The following SH3RF1 variants were observed in gnomAD, a reference collection of about 807,000 sequenced individuals.
SH3RF1 encodes the protein E3 ubiquitin-protein ligase SH3RF1.
SH3RF1 carries 32 observed loss-of-function variants against 74.0 expected under a neutral mutation model. The ratio of observed to expected loss-of-function variants is 0.43; its 90% CI spans 0.33 to 0.58. The LOEUF (loss-of-function observed/expected upper bound fraction) is 0.58. SH3RF1 is among the 20% of genes least tolerant of loss of function. The probability of loss-of-function intolerance (pLI) is 0.05; values close to 1 mark genes in which losing one functional copy is unlikely to be tolerated. For synonymous variants in SH3RF1, 396 were observed against 439.6 expected (o/e 0.90, Z 1.24); for missense variants, 954 against 1,130.9 (o/e 0.84, Z 2.24).
At chr4:169,102,777 T>TA (rs1343434368) in intron 11 of SH3RF1, among the ~76,000 whole-genome samples, 1 of 152,168 alleles carries the variant, frequency 6.6e-6, no homozygotes, top group African/African-American at 2.4e-5. Context: ...CTTTTGTTCC[T>TA]AAGAGAATTC....
rs967984606 is a variant in SH3RF1, at chr4:169,270,947, C to T, written c.-184G>A. On this transcript the variant is annotated 5_prime_UTR_variant, in exon 1 of 12. Transcript: ENST00000284637. Reference sequence around the variant, plus strand: ...GCGGCCCCACCGCGCTCGCCGCTCGCAGTGTCTCTGACGCCGCGGCGGCAC... The same window carrying T: ...GCGGCCCCACCGCGCTCGCCGCTCGTAGTGTCTCTGACGCCGCGGCGGCAC... 3.3e-5 allele frequency: 5 copies of T among 152,204 alleles called. No individual in the cohort carries two copies. The highest frequency in any genetic ancestry group is 2.0e-4 in the Admixed American group (3 of 15,282). The allele number at this position is 152,204 out of a possible 1,614,324, so 9.4% of individuals were successfully genotyped here.
intron 2 of SH3RF1, chr4:169,217,161 CAAAA>C (rs563116493): frequency 5.7e-5 from 4 of 70,716 alleles, no homozygotes; most frequent in Non-Finnish European, 9.3e-5. Flanking sequence ...GACCCTGTCT[CAAAA>C]AAAAAAAAAA....
intron 2 of SH3RF1, among the ~76,000 whole-genome samples, chr4:169,182,618 T>C (rs976928781): frequency 2.0e-5 from 3 of 152,200 alleles, no homozygotes; most frequent in African/African-American, 4.8e-5. Context: ...TGCTCTAATA[T>C]GACTTATAAA....
chr4:169,216,947 T>C (rs1207523474), intron 2 of SH3RF1, among the ~76,000 whole-genome samples: 2 of 150,766 alleles, frequency 1.3e-5, no homozygotes, highest in African/African-American at 4.9e-5. Context: ...GCTCAGGAGT[T>C]TGAGACCAGC....
At chr4:169,202,085 TAAA>T (rs542971477) in intron 2 of SH3RF1, among the ~76,000 whole-genome samples, 2 of 146,164 alleles carry the variant, frequency 1.4e-5, no homozygotes, top group African/African-American at 5.0e-5. Context: ...GCTGTCAGCT[TAAA>T]AAAAAAAAAT....
chr4:169,171,354 T>G (rs1024987225), intron 2 of SH3RF1, among the ~76,000 whole-genome samples: 1 of 152,220 alleles, frequency 6.6e-6, no homozygotes, highest in African/African-American at 2.4e-5. Context: ...ATGTTGAGTT[T>G]GTTTCTCTTT....
chr4:169,140,985 CTTT>C (rs35916240), intron 4 of SH3RF1, among the ~76,000 whole-genome samples: 1 of 132,612 alleles, frequency 7.5e-6, no homozygotes. Context: ...TTTTTCTTTT[CTTT>C]TTTTTTTTTT....
chr4:169,235,582 A>G (rs952526842), intron 2 of SH3RF1, among the ~76,000 whole-genome samples: 1 of 152,168 alleles, frequency 6.6e-6, no homozygotes, highest in Non-Finnish European at 1.5e-5. Context: ...CAATAACTCA[A>G]TCCACATTCT....
At chr4:169,251,184 A>G (rs1731098628) in intron 2 of SH3RF1, among the ~76,000 whole-genome samples, 1 of 152,202 alleles carries the variant, frequency 6.6e-6, no homozygotes, top group South Asian at 2.1e-4. Context: ...TAGTTAGGAG[A>G]CTATGTCAAT....
At chr4:169,245,593 T>G (rs940397694) in intron 2 of SH3RF1, among the ~76,000 whole-genome samples, 3 of 152,166 alleles carry the variant, frequency 2.0e-5, no homozygotes, top group African/African-American at 7.2e-5. Flanking sequence ...AAGATCCCAT[T>G]CTTGCCTACT....
rs1444960370 is a variant in SH3RF1, at chr4:169,184,543, T to C, written c.394-27864A>G. Reference sequence around the variant, plus strand: ...TTTCCTTTTGAGCCAAATTTAACAATGTAATAGTATTCTGAAGAGAGCTAA... The same window carrying C: ...TTTCCTTTTGAGCCAAATTTAACAACGTAATAGTATTCTGAAGAGAGCTAA... On this transcript the variant is annotated intron_variant, in intron 2 of 11. Transcript: ENST00000284637. Among the ~76,000 whole-genome samples, 3 of 152,114 alleles carry C rather than the reference T, an allele frequency of 2.0e-5. No homozygotes were observed. In the East Asian group the frequency reaches 5.8e-4, roughly 29 times the overall value.
chr4:169,216,368 C>T (rs1036553289), intron 2 of SH3RF1, among the ~76,000 whole-genome samples: 3 of 152,094 alleles, frequency 2.0e-5, no homozygotes, highest in African/African-American at 2.4e-5. Flanking sequence ...TATTTGTCTT[C>T]ATGAGACCTA....
At position 169,122,213 on chromosome 4, in the gene SH3RF1, G is replaced by C. The variant is rs781333281; in HGVS notation, c.1233C>G (p.Ala411=). ...PPPLLAATVL[A]STPPGATAAA... ...CGGCGGTGGCGCCTGGTGGTGTGGA[G>C]GCAAGGACAGTGGCAGCCAGGAGAG... Residue 411 remains alanine (A), a synonymous_variant, in exon 7 of 12, where the codon GCC becomes GCG. Transcript: ENST00000284637. 6.2e-7 allele frequency: 1 copy of C among 1,613,110 alleles called. No homozygotes were observed. Among genetic ancestry groups the C allele is most frequent in the South Asian group, 1.1e-5 (1 of 90,906 alleles).
chr4:169,149,348 T>G (rs1053319827), intron 4 of SH3RF1, among the ~76,000 whole-genome samples: 2 of 152,236 alleles, frequency 1.3e-5, no homozygotes, highest in East Asian at 3.8e-4. Flanking sequence ...GAGCCAGTGC[T>G]CATTTTTCCT....
At chr4:169,105,613 G>A (rs755568107) in intron 11 of SH3RF1, among the ~76,000 whole-genome samples, 1 of 152,196 alleles carries the variant, frequency 6.6e-6, no homozygotes, top group Non-Finnish European at 1.5e-5. Context: ...AGAGTTCTTC[G>A]CTAGACATCG....
At chr4:169,097,372 G>C (rs1453746690) in intron 11 of SH3RF1, among the ~76,000 whole-genome samples, 1 of 152,184 alleles carries the variant, frequency 6.6e-6, no homozygotes, top group Non-Finnish European at 1.5e-5. Flanking sequence ...TACCAGTAAC[G>C]AGGTTGACAT....
At chr4:169,179,817 C>T (rs1252345526) in intron 2 of SH3RF1, among the ~76,000 whole-genome samples, 2 of 152,162 alleles carry the variant, frequency 1.3e-5, no homozygotes, top group African/African-American at 4.8e-5. Flanking sequence ...CTTGAAACAG[C>T]TGGTTGGACT....
chr4:169,232,363 T>A (rs1485496073), intron 2 of SH3RF1, among the ~76,000 whole-genome samples: 2 of 152,216 alleles, frequency 1.3e-5, no homozygotes, highest in African/African-American at 4.8e-5. Flanking sequence ...TTTTTCACAG[T>A]GTCTTCGAAA....
intron 2 of SH3RF1, among the ~76,000 whole-genome samples, chr4:169,246,627 C>T (rs1730998117): frequency 6.6e-6 from 1 of 152,240 alleles, no homozygotes; most frequent in Non-Finnish European, 1.5e-5. Flanking sequence ...GATGCATCTG[C>T]ACATGCAATT....
Sources: allele counts gnomAD v4.1 joint callset (sites outside exome capture counted in the v4.1 genomes callset), GRCh38; gene constraint gnomAD v4.1.1; transcripts MANE v1.5; gene names NCBI Gene and HGNC (gene_info 2026-07-23, HGNC 2026-07-21).